CPNE3: variants seen among roughly 807,000 people sequenced by gnomAD.
The protein encoded by CPNE3 is copine 3.
In CPNE3, 68 loss-of-function variants were observed where a neutral mutation model predicts 63.9. The observed-to-expected ratio is 1.06, with a 90% CI of 0.87 to 1.30. The LOEUF (loss-of-function observed/expected upper bound fraction) is 1.30. Ranked by LOEUF, CPNE3 falls within the 50% of genes most tolerant of loss-of-function variation. The pLI is 0.00. For synonymous variants in CPNE3, 219 were observed against 197.5 expected, an observed-to-expected ratio of 1.11 and a Z score of -0.91; for missense variants, 665 against 578.1, an observed-to-expected ratio of 1.15 and a Z score of -1.54.
At chr8:86,523,450 C>T (rs1820477416) in intron 2 of CPNE3, among the ~76,000 whole-genome samples, 1 of 152,084 alleles carries the variant, frequency 6.6e-6, no homozygotes, top group Non-Finnish European at 1.5e-5. Context: ...CCACAGTTCA[C>T]AGTATATAGA....
intron 6 of CPNE3, among the ~76,000 whole-genome samples, chr8:86,533,769 T>G (rs997929997): frequency 3.3e-5 from 5 of 152,204 alleles, no homozygotes; most frequent in African/African-American, 4.8e-5. Flanking sequence ...TCCATCAATA[T>G]GTTGATGTAT....
chr8:86,540,417 T>C (rs1820912058), intron 8 of CPNE3, 83 bp downstream of exon 8: 1 of 612,564 alleles, frequency 1.6e-6, no homozygotes, highest in Non-Finnish European at 2.5e-6. Context: ...AAGATAGTAT[T>C]TAAAGAAAGT....
chr8:86,525,759 T>A (rs1820527917), intron 2 of CPNE3, among the ~76,000 whole-genome samples: 1 of 152,230 alleles, frequency 6.6e-6, no homozygotes, highest in Non-Finnish European at 1.5e-5. Context: ...TTCTGCTGGC[T>A]GGTAGAGAAT....
chr8:86,557,035 A>G (rs1011449219), intron 16 of CPNE3, among the ~76,000 whole-genome samples: 3 of 152,124 alleles, frequency 2.0e-5, no homozygotes, highest in African/African-American at 4.8e-5. Context: ...ATGCACCACC[A>G]TTTGTGTAAC....
chr8:86,532,372 C>T (rs1820701963), intron 5 of CPNE3, 137 bp from the exon 6 acceptor site: 2 of 559,578 alleles, frequency 3.6e-6, no homozygotes, highest in Non-Finnish European at 6.0e-6. Flanking sequence ...TTTAATGATG[C>T]CATTTTCTTA....
At chr8:86,522,571 T>TTG (rs1820459584) in intron 2 of CPNE3, among the ~76,000 whole-genome samples, 1 of 114,354 alleles carries the variant, frequency 8.7e-6, no homozygotes, top group Non-Finnish European at 2.1e-5. Flanking sequence ...TTTTTTTTTT[T>TTG]TTTTTTAGTA....
chr8:86,521,270 T>G (rs927928377), intron 2 of CPNE3, among the ~76,000 whole-genome samples: 2 of 152,236 alleles, frequency 1.3e-5, no homozygotes, highest in Non-Finnish European at 2.9e-5. Flanking sequence ...TAATGGGTTA[T>G]CTTGAAGAGG....
At chr8:86,533,439 G>A (rs1820729202) in intron 6 of CPNE3, among the ~76,000 whole-genome samples, 1 of 152,018 alleles carries the variant, frequency 6.6e-6, no homozygotes, top group Admixed American at 6.6e-5. Flanking sequence ...TGTGAGGTGG[G>A]AGGATTGCTT....
chr8:86,516,097 G>C (rs1294987570), intron 2 of CPNE3, among the ~76,000 whole-genome samples: 1 of 152,106 alleles, frequency 6.6e-6, no homozygotes, highest in East Asian at 1.9e-4. Context: ...TCCCACTCTG[G>C]GCTGAAAAAT....
Position 86,528,574 on chromosome 8 carries a change from C to T in CPNE3, c.29C>T (p.Ala10Val), listed in dbSNP as rs375450963. 5.4e-4 allele frequency: 877 copies of T among 1,613,870 alleles called. 10 individuals are homozygous for T. In the South Asian group the frequency reaches 6.9e-3, roughly 13 times the overall value. Residue 10 changes from alanine to valine, a missense_variant, in exon 3 of 17, where the codon GCG (alanine) becomes GTG (valine). Transcript: ENST00000517490. The stretch of plus-strand genomic sequence containing the variant: ...GCTGCCCAGTGTGTCACAAAGGTGG[C>T]GCTGAATGTTTCCTGTGCCAATCTT... MAAQCVTKV[A>V]LNVSCANLLD...
rs530406077 is a variant in CPNE3 at position 86,531,786 on chromosome 8, A to G, written c.387+557A>G. On this transcript the variant is annotated intron_variant, in intron 5 of 16. Transcript: ENST00000517490. The stretch of plus-strand genomic sequence containing the variant: ...TATTGTATTTCACATTTCCCATTAT[A>G]TAATGCCAAGCCTGTAAACCTTATC... Among the ~76,000 whole-genome samples, 14 of 152,316 alleles carry G rather than the reference A, an allele frequency of 9.2e-5. No homozygotes were observed. The South Asian group carries it at 2.7e-3, about 29-fold the overall frequency.
chr8:86,556,401 C>T, intron 16 of CPNE3, 63 bp downstream of exon 16: 1 of 853,712 alleles, frequency 1.2e-6, no homozygotes, highest in Non-Finnish European at 2.1e-6. Flanking sequence ...TGCCCATCTA[C>T]AACCAGGCAG....
chr8:86,549,788 G>C (rs1363998760), intron 12 of CPNE3, among the ~76,000 whole-genome samples: 1 of 152,182 alleles, frequency 6.6e-6, no homozygotes, highest in African/African-American at 2.4e-5. Flanking sequence ...CTCCAGCCAG[G>C]GGGAAGAGAA....
Position 86,554,985 on chromosome 8 carries a change from G to C in CPNE3, c.1254+1G>C. On this transcript the variant is annotated splice_donor_variant, in intron 15 of 16. Transcript: ENST00000517490. LOFTEE classifies it high-confidence loss of function. ...AGCCACGCAACAGCAGACAGCTTCT[G>C]TAAGTGCTCTATGGCCAGGGAATGG... 1 of 1,614,050 alleles carries C rather than the reference G, an allele frequency of 6.2e-7. No individual in the cohort carries two copies. Among genetic ancestry groups the C allele is most frequent in the South Asian group, 1.1e-5 (1 of 91,078 alleles).
chr8:86,554,948 G>T lies in CPNE3; in HGVS notation c.1218G>T (p.Arg406Ser). The T allele has an allele frequency of 6.2e-7, 1 of 1,614,088 alleles. No individual in the cohort carries two copies. Among genetic ancestry groups the T allele is most frequent in the Non-Finnish European group, 8.5e-7 (1 of 1,180,008 alleles). Reference protein sequence around the residue: ...NFSPIINHVARFAAAATQQQT... With the variant: ...NFSPIINHVASFAAAATQQQT... ...CTCCAATCATAAATCACGTGGCCAG[G>T]TTTGCTGCTGCAGCCACGCAACAGC... is the stretch of plus-strand genomic sequence containing the variant. Residue 406 changes from arginine (R) to serine (S), a missense_variant, in exon 15 of 17, where the codon AGG becomes AGT. Arg to Ser is a moderately radical substitution (Grantham distance 110). Transcript: ENST00000517490.
intron 14 of CPNE3, chr8:86,553,954 T>TAATAAACAA (rs1420275908): frequency 2.0e-5 from 3 of 152,188 alleles, no homozygotes; most frequent in African/African-American, 7.2e-5. Context: ...TGTGCTGTTG[T>TAATAAACAA]AATAAACAAT....
Position 86,531,244 on chromosome 8 carries a change from T to A in CPNE3, c.387+15T>A. ...GGAGCATTACGGTAAAAATAAGATA[T>A]TTGTCTTTTGTCTCAAAAGATTTAG... On this transcript the variant is annotated intron_variant, in intron 5 of 16. Transcript: ENST00000517490. The A allele has an allele frequency of 1.0e-6, 1 of 998,036 alleles. No homozygotes were observed. The highest frequency in any genetic ancestry group is 1.6e-6 in the Non-Finnish European group (1 of 616,808). The allele number at this position is 998,036 out of a possible 1,614,324, so 61.8% of individuals were successfully genotyped here.
At chr8:86,546,763 G>A (rs1445508319) in intron 10 of CPNE3, 82 bp downstream of exon 10, 1 of 1,447,936 alleles carries the variant, frequency 6.9e-7, no homozygotes, top group Non-Finnish European at 9.3e-7. Flanking sequence ...CCAGGCTGGA[G>A]CGCAGTGGTG....
In CPNE3 at chr8:86,561,475, A is replaced by G. The variant is rs1259808887; in HGVS notation, c.*3065A>G. 6.6e-6 allele frequency: 1 copy of G among 152,238 alleles called. No individual in the cohort carries two copies. The highest frequency in any genetic ancestry group is 2.4e-5 in the African/African-American group (1 of 41,478). The allele number at this position is 152,238 out of a possible 1,614,324, so 9.4% of individuals were successfully genotyped here. A position where few individuals can be genotyped will look rare whatever the true frequency, so the allele number is the denominator to read the frequency against. ...GACCAAAACAATAGAAAAGTTAAAA[A>G]TAAAATATAGTGTTTTAGGTGGCCT... On this transcript the variant is annotated 3_prime_UTR_variant, in exon 17 of 17. Transcript: ENST00000517490.
Sources: allele counts gnomAD v4.1 joint callset (sites outside exome capture counted in the v4.1 genomes callset), GRCh38; gene constraint gnomAD v4.1.1; transcripts MANE v1.5; gene names NCBI Gene and HGNC (gene_info 2026-07-23, HGNC 2026-07-21).